The following HPS1 variants were observed in gnomAD, a reference collection of about 807,000 sequenced individuals.
HPS1 encodes the protein HPS1 biogenesis of lysosomal organelles complex 3 subunit 1.
A neutral mutation model predicts 90.6 loss-of-function variants in HPS1; 59 were observed. The ratio of observed to expected loss-of-function variants is 0.65; its 90% CI spans 0.53 to 0.81. HPS1 has a LOEUF of 0.81. HPS1 is among the 30% of genes least tolerant of loss of function. HPS1 has a pLI of 0.00. For synonymous variants in HPS1, 388 were observed against 384.4 expected, an observed-to-expected ratio of 1.01 and a Z score of -0.11; for missense variants, 849 against 896.7, an observed-to-expected ratio of 0.95 and a Z score of 0.68.
At position 98,429,648 on chromosome 10, in the gene HPS1, A is replaced by G. The variant is rs1326457894; in HGVS notation, c.868-6T>C. 6.2e-7 allele frequency: 1 copy of G among 1,614,040 alleles called. No individual in the cohort carries two copies. The highest frequency in any genetic ancestry group is 8.5e-7 in the Non-Finnish European group (1 of 1,180,028). On this transcript the variant is annotated splice_region_variant and splice_polypyrimidine_tract_variant and intron_variant, in intron 9 of 19. Transcript: ENST00000361490. ...AGGGAGAAGCTGTCTGTCTCCTGGA[A>G]TGGAGAAGGTGGCTCAGGTTGAGAG...
chr10:98,432,960 C>G (rs1846701516), intron 6 of HPS1, among the ~76,000 whole-genome samples: 1 of 152,128 alleles, frequency 6.6e-6, no homozygotes. Context: ...TAGGGCCGGG[C>G]ACTGTGGCTC....
chr10:98,444,424 C>G (rs1338679052), intron 2 of HPS1, among the ~76,000 whole-genome samples: 2 of 152,206 alleles, frequency 1.3e-5, no homozygotes, highest in Non-Finnish European at 2.9e-5. Context: ...GCAGCCTGAC[C>G]AGGCTGGTGA....
At chr10:98,421,075 G>T (rs931636516) in intron 17 of HPS1, among the ~76,000 whole-genome samples, 2 of 152,358 alleles carry the variant, frequency 1.3e-5, no homozygotes, top group Non-Finnish European at 2.9e-5. Context: ...AGGCAGCAGG[G>T]ACAGTGGGCT....
intron 10 of HPS1, among the ~76,000 whole-genome samples, chr10:98,428,594 C>T (rs1420384084): frequency 2.0e-5 from 3 of 152,160 alleles, no homozygotes; most frequent in Admixed American, 2.0e-4. Flanking sequence ...TTAAAAGCAG[C>T]CACATAATAA....
intron 5 of HPS1, 49 bp from the exon 6 acceptor site, chr10:98,434,140 T>TCC (rs200614367): frequency 6.6e-7 from 1 of 1,526,684 alleles, no homozygotes; most frequent in Non-Finnish European, 8.8e-7. Flanking sequence ...AAAGCTGGTC[T>TCC]CCCCCACACC....
In HPS1 at chr10:98,444,050, A is replaced by G. The variant is rs111495250; in HGVS notation, c.1-810T>C. On this transcript the variant is annotated intron_variant, in intron 2 of 19. Coordinates refer to ENST00000361490, the MANE Select transcript of HPS1 (RefSeq NM_000195.5). ...AGACTCTGTCTGAAAAAACAAACAA[A>G]CAAACAAACAAACAAACAAAAAACA... Among the ~76,000 whole-genome samples, 496 of 151,398 alleles carry G rather than the reference A, an allele frequency of 3.3e-3. 3 individuals are homozygous for G. The highest frequency in any genetic ancestry group is 0.01 in the African/African-American group (420 of 41,282).
chr10:98,421,886 C>T (rs1844896963), intron 17 of HPS1, among the ~76,000 whole-genome samples: 1 of 151,976 alleles, frequency 6.6e-6, no homozygotes, highest in South Asian at 2.1e-4. Flanking sequence ...CACATGCCTC[C>T]ACCACCCATC....
At chr10:98,433,893 T>A (rs1251044720) in intron 6 of HPS1, 90 bp downstream of exon 6, 1 of 1,521,566 alleles carries the variant, frequency 6.6e-7, no homozygotes, top group South Asian at 1.2e-5. Context: ...TGTGCCTTCA[T>A]TCATTAGGGT....
Position 98,417,871 on chromosome 10 carries a change from C to G in HPS1, c.1941-145G>C. Reference sequence around the variant, plus strand: ...TGCATGTGGGCCTTGACAACCGCTCCGGTTCCTCACTGACCTAACAGTGGC... The same window carrying G: ...TGCATGTGGGCCTTGACAACCGCTCGGGTTCCTCACTGACCTAACAGTGGC... On this transcript the variant is annotated intron_variant, in intron 19 of 19. Coordinates refer to ENST00000361490, the MANE Select transcript of HPS1 (RefSeq NM_000195.5). This position sits in a 1 kb window ranked among gnomAD's most constrained non-coding sequence, Gnocchi z 4.2. 2 of 754,612 alleles carry G rather than the reference C, an allele frequency of 2.7e-6. No individual in the cohort carries two copies. The highest frequency in any genetic ancestry group is 4.5e-6 in the Non-Finnish European group (2 of 445,372). 46.7% of individuals were successfully genotyped at this position (754,612 alleles called of 1,614,324 possible). A position where few individuals can be genotyped will look rare whatever the true frequency, so the allele number is the denominator to read the frequency against.
At chr10:98,416,022 A>G (rs1218146075), downstream of HPS1, among the ~76,000 whole-genome samples, 1 of 151,750 alleles carries the variant, frequency 6.6e-6, no homozygotes, top group African/African-American at 2.4e-5. Flanking sequence ...GGAGGAAAAA[A>G]CCCCTTGGAG....
rs753634869 is a variant in HPS1, at chr10:98,425,884, G to A, written c.1089C>T (p.Pro363=). 18 of 1,614,052 alleles carry A rather than the reference G, an allele frequency of 1.1e-5. No homozygotes were observed. Among genetic ancestry groups the A allele is most frequent in the Admixed American group, 6.7e-5 (4 of 60,008 alleles). ...LDANVKESYC[P]LVPHTMYCLP... The stretch of plus-strand genomic sequence containing the variant: ...GGCAGTACATGGTGTGGGGCACTAG[G>A]GGGCAGTAGCTTTCCTTCACGTTGG... The change falls in exon 12 of 20, where the codon CCC becomes CCT. Residue 363 remains proline, a synonymous_variant. Transcript: ENST00000361490.
chr10:98,444,304 GT>G (rs1229387445), intron 2 of HPS1, among the ~76,000 whole-genome samples: 1 of 146,362 alleles, frequency 6.8e-6, no homozygotes, highest in African/African-American at 2.5e-5. Flanking sequence ...GCTTGATTAT[GT>G]AAGAAATGTC....
chr10:98,430,549 G>A, intron 8 of HPS1, 22 bp downstream of exon 8: 1 of 1,542,814 alleles, frequency 6.5e-7, no homozygotes, highest in South Asian at 1.2e-5. Flanking sequence ...GCCTCCCTCT[G>A]CCCAGAAAGC....
In HPS1 at chr10:98,435,782, T is replaced by G. The variant is rs779114844; in HGVS notation, c.118-10A>C. 6.2e-7 allele frequency: 1 copy of G among 1,613,016 alleles called. No individual in the cohort carries two copies. On this transcript the variant is annotated splice_polypyrimidine_tract_variant and intron_variant, in intron 3 of 19. Coordinates refer to ENST00000361490, the MANE Select transcript of HPS1 (RefSeq NM_000195.5). The surrounding 1 kb of genome is among the most constrained non-coding windows in gnomAD (Gnocchi z 4.3). The stretch of plus-strand genomic sequence containing the variant: ...CCTCCAGGGCAGGGAGCTGCAAAAA[T>G]GGGGGAAAATTTCACAGCTTAGAGT...
At chr10:98,427,155 C>T (rs1564841213) in intron 11 of HPS1, 60 bp downstream of exon 11, 2 of 1,399,554 alleles carry the variant, frequency 1.4e-6, no homozygotes, top group East Asian at 2.5e-5. Flanking sequence ...TCAGAGCCCC[C>T]AATACTCACT....
At position 98,435,062 on chromosome 10, in the gene HPS1, A is replaced by C; in HGVS notation, c.398+210T>G. 1 of 603,080 alleles carries C rather than the reference A, an allele frequency of 1.7e-6. No individual in the cohort carries two copies. Among genetic ancestry groups the C allele is most frequent in the Non-Finnish European group, 2.9e-6 (1 of 342,034 alleles). The allele number at this position is 603,080 out of a possible 1,614,324, so 37.4% of individuals were successfully genotyped here. ...CCAGCTAGATGACCCCAGGCAAGTGAGTTCCATTCTCTGCTCTGTTTCACC... is the reference window on the plus strand; with the variant it reads ...CCAGCTAGATGACCCCAGGCAAGTGCGTTCCATTCTCTGCTCTGTTTCACC... On this transcript the variant is annotated intron_variant, in intron 5 of 19. Transcript: ENST00000361490. This position sits in a 1 kb window ranked among gnomAD's most constrained non-coding sequence, Gnocchi z 4.3.
At chr10:98,416,170 AC>A (rs1428930677), downstream of HPS1, 3 of 152,278 alleles carry the variant, frequency 2.0e-5, no homozygotes, top group South Asian at 2.1e-4. Context: ...ATGGACAGTT[AC>A]CCCGCATGTG....
chr10:98,424,521 C>A, intron 13 of HPS1, 147 bp from the exon 14 acceptor site: 1 of 713,888 alleles, frequency 1.4e-6, no homozygotes, highest in South Asian at 1.5e-5. Flanking sequence ...CCCTGGCAGG[C>A]CCCACCAGCC....
rs564590745 is a variant in HPS1, at chr10:98,429,880, G to A, written c.778C>T (p.Arg260Trp). Residue 260 changes from arginine (R) to tryptophan (W), a missense_variant, in exon 9 of 20, where the codon CGG (arginine) becomes TGG (tryptophan). By Grantham distance (101) the Arg-to-Trp change is moderately radical (BLOSUM62 -3). Transcript: ENST00000361490. ...TAEDDIQPSP[R>W]RARSSQNIPV... ...ATGTTCTGGCTGCTCCGGGCCCTCC[G>A]CGGGGAAGGCTGTGCAGGGCAGGGG... The A allele has an allele frequency of 7.6e-5, 123 of 1,611,248 alleles. 1 individual carries two copies. The highest frequency in any genetic ancestry group is 5.2e-4 in the South Asian group (47 of 91,062).
Sources: allele counts gnomAD v4.1 joint callset (sites outside exome capture counted in the v4.1 genomes callset), GRCh38; gene constraint gnomAD v4.1.1; non-coding constraint Gnocchi (gnomAD v3.1); transcripts MANE v1.5; gene names NCBI Gene and HGNC (gene_info 2026-07-23, HGNC 2026-07-21).